UBASH3B: variants seen among roughly 807,000 people sequenced by gnomAD.
UBASH3B encodes the protein ubiquitin associated and SH3 domain containing B, also known as ubiquitin-associated and SH3 domain-containing protein B.
In UBASH3B, 37 loss-of-function variants were observed where a neutral mutation model predicts 83.4. The ratio of observed to expected loss-of-function variants is 0.44; its 90% confidence interval spans 0.34 to 0.58. The LOEUF is 0.58. Ranked by LOEUF, UBASH3B falls within the 20% of genes least tolerant of loss-of-function variation. UBASH3B has a pLI of 0.01. For missense variants in UBASH3B, 657 were observed against 827.2 expected (o/e 0.79, Z 2.52); for synonymous variants, 304 against 318.3 (o/e 0.96, Z 0.48).
intron 11 of UBASH3B, among the ~76,000 whole-genome samples, chr11:122,802,304 A>C (rs1184072247): frequency 1.5e-5 from 2 of 131,824 alleles, no homozygotes; most frequent in Admixed American, 8.5e-5. Context: ...ACAGAGTGAG[A>C]CTCTGTCTGA....
chr11:122,720,831 A>G (rs1005090735), intron 1 of UBASH3B, among the ~76,000 whole-genome samples: 7 of 152,070 alleles, frequency 4.6e-5, no homozygotes, highest in Non-Finnish European at 8.8e-5. Context: ...CAAAACGCTT[A>G]CTATAACTGT....
At chr11:122,789,836 C>T (rs994087197) in intron 6 of UBASH3B, among the ~76,000 whole-genome samples, 1 of 152,198 alleles carries the variant, frequency 6.6e-6, no homozygotes. Flanking sequence ...AGGGAACAGG[C>T]AACTGCCAGA....
intron 1 of UBASH3B, among the ~76,000 whole-genome samples, chr11:122,752,400 G>A (rs1022994185): frequency 4.6e-5 from 7 of 152,206 alleles, no homozygotes; most frequent in African/African-American, 1.2e-4. Flanking sequence ...TAGGGGGCGC[G>A]AGTTAGAGAC....
rs544122407 is a variant in UBASH3B, at chr11:122,685,619, C to T, written c.161+29409C>T. 7.9e-5 allele frequency among the ~76,000 whole-genome samples: 12 copies of T among 152,222 alleles called. No individual in the cohort carries two copies. The South Asian group carries it at 1.7e-3, about 21-fold the overall frequency. ...GCAACCTCCACTTCCTGGGTTCCAGCGATTCTCCTGCCTCAGCCTCCCGAG... is the reference window on the plus strand; with the variant it reads ...GCAACCTCCACTTCCTGGGTTCCAGTGATTCTCCTGCCTCAGCCTCCCGAG... On this transcript the variant is annotated intron_variant, in intron 1 of 13. Coordinates refer to ENST00000284273, the MANE Select transcript of UBASH3B (RefSeq NM_032873.5).
chr11:122,730,981 C>T (rs2135952848), intron 1 of UBASH3B, among the ~76,000 whole-genome samples: 1 of 152,302 alleles, frequency 6.6e-6, no homozygotes, highest in Non-Finnish European at 1.5e-5. Flanking sequence ...TACTTCTGCC[C>T]CCTAAAGGTT....
chr11:122,689,249 G>A (rs1465202865), intron 1 of UBASH3B, among the ~76,000 whole-genome samples: 2 of 152,048 alleles, frequency 1.3e-5, no homozygotes, highest in East Asian at 1.9e-4. Context: ...CAAAATTGAG[G>A]TTATTACTTC....
chr11:122,739,847 T>TAAC (rs1860996292), intron 1 of UBASH3B, among the ~76,000 whole-genome samples: 1 of 152,222 alleles, frequency 6.6e-6, no homozygotes, highest in Non-Finnish European at 1.5e-5. Flanking sequence ...ACAAGATGGA[T>TAAC]AACACATCCT....
chr11:122,777,386 C>T (rs567444407), intron 3 of UBASH3B, among the ~76,000 whole-genome samples, 176 bp downstream of exon 3: 3 of 152,292 alleles, frequency 2.0e-5, no homozygotes, highest in South Asian at 2.1e-4. Context: ...CTCACCCCAA[C>T]GCTTCCTAGT....
At chr11:122,672,019 C>T (rs894376480) in intron 1 of UBASH3B, among the ~76,000 whole-genome samples, 15 of 151,948 alleles carry the variant, frequency 9.9e-5, no homozygotes, top group African/African-American at 3.1e-4. Context: ...GCAGGGCTAC[C>T]GATGTTTAGT....
At chr11:122,699,332 C>T (rs1015809511) in intron 1 of UBASH3B, among the ~76,000 whole-genome samples, 2 of 152,064 alleles carry the variant, frequency 1.3e-5, no homozygotes, top group African/African-American at 4.8e-5. Context: ...GAGTGTGGCA[C>T]GTGGAGTCAC....
chr11:122,686,136 C>A (rs1863805657), intron 1 of UBASH3B, among the ~76,000 whole-genome samples: 1 of 152,132 alleles, frequency 6.6e-6, no homozygotes, highest in Non-Finnish European at 1.5e-5. Flanking sequence ...CTGAGGAAGT[C>A]CAATCTCAAC....
chr11:122,663,859 T>C (rs976086190), intron 1 of UBASH3B, among the ~76,000 whole-genome samples: 1 of 152,200 alleles, frequency 6.6e-6, no homozygotes. Flanking sequence ...AATTTTCCTG[T>C]CTGTACAATG....
rs760368817 is a variant in UBASH3B, at chr11:122,813,502, C to A, written c.*3616C>A. The A allele has an allele frequency of 6.6e-6, 1 of 152,144 alleles. No individual in the cohort carries two copies. The highest frequency in any genetic ancestry group is 2.4e-5 in the African/African-American group (1 of 41,410). 9.4% of individuals were successfully genotyped at this position (152,144 alleles called of 1,614,324 possible). A position where few individuals can be genotyped will look rare whatever the true frequency, so the allele number is the denominator to read the frequency against. On this transcript the variant is annotated 3_prime_UTR_variant, in exon 14 of 14. Transcript: ENST00000284273. ...ATGTGTTAGAATACAGATGAACCTC[C>A]GTTTGATTTCACAGCCTTCAGCACA...
intron 1 of UBASH3B, among the ~76,000 whole-genome samples, chr11:122,695,125 G>T (rs752572767): frequency 2.0e-5 from 3 of 150,974 alleles, no homozygotes; most frequent in Non-Finnish European, 3.0e-5. Context: ...TACCATGCCC[G>T]GCTAATTTTT....
chr11:122,751,950 A>T (rs1861206120), intron 1 of UBASH3B, among the ~76,000 whole-genome samples: 4 of 152,216 alleles, frequency 2.6e-5, no homozygotes, highest in Admixed American at 6.5e-5. Context: ...CAAGTAACTA[A>T]AACTCTATGT....
chr11:122,737,348 A>G (rs1460484644), intron 1 of UBASH3B, among the ~76,000 whole-genome samples: 1 of 152,138 alleles, frequency 6.6e-6, no homozygotes, highest in Non-Finnish European at 1.5e-5. Context: ...ACAGAGAGAA[A>G]ACAAGGGATA....
At position 122,788,802 on chromosome 11, in the gene UBASH3B, A is replaced by G. The variant is rs139818038; in HGVS notation, c.772-298A>G. ...TATACAGCAGTTGGCCAGAGAGCCTACAGGATTTCAGGTCAATTTCCAAAA... is the reference window on the plus strand; with the variant it reads ...TATACAGCAGTTGGCCAGAGAGCCTGCAGGATTTCAGGTCAATTTCCAAAA... On this transcript the variant is annotated intron_variant, in intron 5 of 13. Transcript: ENST00000284273. Among the ~76,000 whole-genome samples, 385 of 152,256 alleles carry G rather than the reference A, an allele frequency of 2.5e-3. 1 individual carries two copies. The highest frequency in any genetic ancestry group is 8.9e-3 in the African/African-American group (368 of 41,554).
Position 122,810,068 on chromosome 11 carries a change from GAA to G in UBASH3B, c.*188_*189del. ...AATGAGAGAAAGACTTGATTCAGAG[GAA>G]AAAAATGTGTTCTCTCTGGACTCTT... is the stretch of plus-strand genomic sequence containing the variant. On this transcript the variant is annotated 3_prime_UTR_variant, in exon 14 of 14. Transcript: ENST00000284273. The G allele has an allele frequency of 1.4e-6, 1 of 697,280 alleles. No individual in the cohort carries two copies. 43.2% of individuals were successfully genotyped at this position (697,280 alleles called of 1,614,324 possible). A position where few individuals can be genotyped will look rare whatever the true frequency, so the allele number is the denominator to read the frequency against.
chr11:122,697,169 T>C (rs886190341), intron 1 of UBASH3B, among the ~76,000 whole-genome samples: 9 of 152,224 alleles, frequency 5.9e-5, no homozygotes, highest in African/African-American at 2.2e-4. Flanking sequence ...AAAACATTTT[T>C]CAAACTCAAG....
Sources: allele counts gnomAD v4.1 joint callset (sites outside exome capture counted in the v4.1 genomes callset), GRCh38; gene constraint gnomAD v4.1.1; transcripts MANE v1.5; gene names NCBI Gene and HGNC (gene_info 2026-07-23, HGNC 2026-07-21).